The following PTPRG variants were observed in gnomAD, a reference collection of about 807,000 sequenced individuals.
The protein encoded by PTPRG is receptor-type tyrosine-protein phosphatase gamma.
A neutral mutation model predicts 165.3 loss-of-function variants in PTPRG; 102 were observed. The observed-to-expected ratio is 0.62, with a 90% CI of 0.53 to 0.73. The LOEUF (loss-of-function observed/expected upper bound fraction) is 0.73, where lower values mean the gene tolerates loss of function less well. Among genes scored for constraint, PTPRG ranks in the 30% least tolerant of loss-of-function variants. The pLI is 0.00. For missense variants in PTPRG, 1,866 were observed against 1,861.4 expected, an observed-to-expected ratio of 1.00 and a Z score of -0.05; for synonymous variants, 675 against 669.5, an observed-to-expected ratio of 1.01 and a Z score of -0.13.
chr3:61,810,812 A>G (rs2107208155), intron 2 of PTPRG, among the ~76,000 whole-genome samples: 1 of 152,334 alleles, frequency 6.6e-6, no homozygotes, highest in Middle Eastern at 3.4e-3. Flanking sequence ...CCAGTCCTTA[A>G]GAAGGGTTGT....
chr3:62,112,472 C>G (rs1347489559), intron 5 of PTPRG, among the ~76,000 whole-genome samples: 2 of 152,166 alleles, frequency 1.3e-5, no homozygotes, highest in Non-Finnish European at 1.5e-5. Flanking sequence ...ATTGCCAGAG[C>G]TGTTATATGA....
chr3:61,884,924 TA>T (rs1214418264), intron 2 of PTPRG, among the ~76,000 whole-genome samples: 1 of 152,170 alleles, frequency 6.6e-6, no homozygotes, highest in Non-Finnish European at 1.5e-5. Flanking sequence ...AAAACATGGT[TA>T]AAGCTAAGGA....
intron 14 of PTPRG, chr3:62,243,582 T>C (rs1701213791): frequency 2.5e-6 from 1 of 398,350 alleles, no homozygotes; most frequent in Admixed American, 4.3e-5. Context: ...CTTTGAACTA[T>C]CAGTTTGGAT....
At chr3:62,201,667 G>A (rs1016692465) in intron 11 of PTPRG, 113 bp downstream of exon 11, 12 of 871,112 alleles carry the variant, frequency 1.4e-5, no homozygotes, top group African/African-American at 1.2e-4. Context: ...AGTGTAAAGC[G>A]GTTATAGTAG....
At position 62,042,002 on chromosome 3, in the gene PTPRG, G is replaced by C. The variant is rs74365816; in HGVS notation, c.520-36161G>C. Among the ~76,000 whole-genome samples the C allele has an allele frequency of 5.6e-3, 847 of 152,252 alleles. 5 individuals are homozygous for C. The highest frequency in any genetic ancestry group is 0.019 in the African/African-American group (797 of 41,548). On this transcript the variant is annotated intron_variant, in intron 4 of 29. Coordinates refer to ENST00000474889, the MANE Select transcript of PTPRG (RefSeq NM_002841.4). ...TGATTAAGCATCCGTTAAACACCCA[G>C]GCTTTAGTTTACCCAGGATTATACC...
At chr3:61,934,631 A>G (rs189956001) in intron 2 of PTPRG, among the ~76,000 whole-genome samples, 2 of 152,102 alleles carry the variant, frequency 1.3e-5, no homozygotes, top group Non-Finnish European at 2.9e-5. Flanking sequence ...CATTGTGGCC[A>G]GCTGGAAGGT....
chr3:61,731,442 G>A (rs1357134314), intron 1 of PTPRG, among the ~76,000 whole-genome samples: 1 of 148,918 alleles, frequency 6.7e-6, no homozygotes, highest in East Asian at 2.0e-4. Context: ...TCCGCCTCCC[G>A]GGTTCAAGCC....
intron 2 of PTPRG, among the ~76,000 whole-genome samples, chr3:61,847,785 C>G (rs1013247331): frequency 1.3e-5 from 2 of 152,212 alleles, no homozygotes; most frequent in African/African-American, 4.8e-5. Flanking sequence ...GGCTGGTCAA[C>G]ATGTCCAGAT....
chr3:62,152,820 T>C (rs1704385005), intron 6 of PTPRG, among the ~76,000 whole-genome samples: 1 of 152,218 alleles, frequency 6.6e-6, no homozygotes, highest in African/African-American at 2.4e-5. Context: ...GACTTTCTGA[T>C]ACTTGGGATT....
Position 61,706,048 on chromosome 3 carries a change from C to T in PTPRG, c.86-42830C>T, listed in dbSNP as rs9819931. Among the ~76,000 whole-genome samples, 1,341 of 152,222 alleles carry T rather than the reference C, an allele frequency of 8.8e-3. 29 individuals are homozygous for T. Among genetic ancestry groups the T allele is most frequent in the East Asian group, 0.066 (342 of 5,174 alleles). Reference sequence around the variant, plus strand: ...AGTCCCCCAAGTGTCCTCCCCACTTCGGGTCTGCAGAAAAATGATTGATTA... The same window carrying T: ...AGTCCCCCAAGTGTCCTCCCCACTTTGGGTCTGCAGAAAAATGATTGATTA... On this transcript the variant is annotated intron_variant, in intron 1 of 29. Coordinates refer to ENST00000474889, the MANE Select transcript of PTPRG (RefSeq NM_002841.4).
intron 3 of PTPRG, among the ~76,000 whole-genome samples, chr3:61,999,909 G>A (rs2041129790): frequency 6.6e-6 from 1 of 152,110 alleles, no homozygotes; most frequent in Non-Finnish European, 1.5e-5. Context: ...TCTTTTCTTT[G>A]ATATAATCAA....
At chr3:62,124,206 A>T in intron 5 of PTPRG, 1 of 907,206 alleles carries the variant, frequency 1.1e-6, no homozygotes, top group Non-Finnish European at 1.8e-6. Flanking sequence ...ATGATTATTC[A>T]GCCACACAGT....
chr3:61,705,571 C>T (rs1489355997), intron 1 of PTPRG, among the ~76,000 whole-genome samples: 1 of 151,972 alleles, frequency 6.6e-6, no homozygotes, highest in Non-Finnish European at 1.5e-5. Flanking sequence ...GCTTTGTCAC[C>T]AAAGGAGTAG....
chr3:62,239,349 C>CTTTTTTTT (rs1168589653), intron 14 of PTPRG, among the ~76,000 whole-genome samples: 10 of 144,072 alleles, frequency 6.9e-5, no homozygotes, highest in African/African-American at 2.6e-4. Flanking sequence ...TTCTTTCTTT[C>CTTTTTTTT]TTTTTTCTTT....
At chr3:62,183,567 A>T (rs900094354) in intron 8 of PTPRG, among the ~76,000 whole-genome samples, 1 of 82,764 alleles carries the variant, frequency 1.2e-5, no homozygotes, top group South Asian at 4.6e-4. Flanking sequence ...CGTCTCAATT[A>T]AAAAAAAAAA....
chr3:62,293,229 C>G lies in PTPRG; in HGVS notation c.4260C>G (p.Pro1420=). The change falls in exon 30 of 30, where the codon CCC becomes CCG. Residue 1420 remains proline (P), a synonymous_variant. Transcript: ENST00000474889. ...LVSTKENGNG[P]MTVDKNGAVL... is the part of the protein sequence containing the mutation. ...GCACTAAAGAAAATGGAAATGGTCC[C>G]ATGACAGTAGACAAAAATGGTGCTG... 1 of 1,611,972 alleles carries G rather than the reference C, an allele frequency of 6.2e-7. No homozygotes were observed. Among genetic ancestry groups the G allele is most frequent in the Non-Finnish European group, 8.5e-7 (1 of 1,179,098 alleles).
intron 4 of PTPRG, among the ~76,000 whole-genome samples, chr3:62,076,374 A>G (rs1457638715): frequency 2.0e-5 from 3 of 152,208 alleles, no homozygotes; most frequent in African/African-American, 7.2e-5. Context: ...CATGTTATAC[A>G]CTACGTTAAC....
chr3:62,266,607 A>G (rs1330340928), intron 17 of PTPRG, among the ~76,000 whole-genome samples: 1 of 151,924 alleles, frequency 6.6e-6, no homozygotes, highest in African/African-American at 2.4e-5. Flanking sequence ...AGGGCTCTCA[A>G]AAATTGCTTG....
chr3:61,641,592 C>T (rs953856361), intron 1 of PTPRG, among the ~76,000 whole-genome samples: 7 of 152,074 alleles, frequency 4.6e-5, no homozygotes, highest in Non-Finnish European at 1.0e-4. Context: ...TTAAGGTTAT[C>T]GGCTTTTGTG....
Sources: gnomAD v4.1 joint callset for allele counts (sites outside exome capture counted in the v4.1 genomes callset) on GRCh38, gnomAD v4.1.1 for gene constraint, MANE v1.5 for transcripts, NCBI Gene and HGNC (gene_info 2026-07-23, HGNC 2026-07-21) for gene names.